RBBP4: variants seen among roughly 807,000 people sequenced by gnomAD.
The protein encoded by RBBP4 is RB binding protein 4, chromatin remodeling factor.
In RBBP4, 3 loss-of-function variants were observed where a neutral mutation model predicts 57.2. The ratio of observed to expected loss-of-function variants is 0.05; its 90% CI spans 0.02 to 0.14. The LOEUF is 0.14. RBBP4 is among the 10% of genes least tolerant of loss of function. The pLI is 1.00. For missense variants in RBBP4, 107 were observed against 520.6 expected (o/e 0.21, Z 7.73); for synonymous variants, 151 against 171.5 (o/e 0.88, Z 0.93).
Position 32,653,597 on chromosome 1 carries a change from T to G in RBBP4, c.164+1536T>G, listed in dbSNP as rs1325330586. 5.9e-5 allele frequency among the ~76,000 whole-genome samples: 8 copies of G among 135,982 alleles called. No individual in the cohort carries two copies. The Admixed American group carries it at 5.9e-4, about 10-fold the overall frequency. The allele number at this position is 135,982 out of a possible 152,430, so 89.2% of individuals were successfully genotyped here. On this transcript the variant is annotated intron_variant, in intron 2 of 11. Coordinates refer to ENST00000373493, the MANE Select transcript of RBBP4 (RefSeq NM_005610.3). ...CAAAACCATAGTAAAAACCTAGAAA[T>G]TGGGAGTTAGAAGCTGCTTTGTGTG... is the stretch of plus-strand genomic sequence containing the variant.
intron 3 of RBBP4, among the ~76,000 whole-genome samples, chr1:32,658,959 GTA>G (rs1428045327): frequency 2.7e-4 from 40 of 147,770 alleles, no homozygotes; most frequent in Non-Finnish European, 1.8e-4. Flanking sequence ...ACGTATATAT[GTA>G]TGTATATGTA....
chr1:32,662,979 C>T (rs536822174), intron 3 of RBBP4, among the ~76,000 whole-genome samples: 17 of 151,834 alleles, frequency 1.1e-4, no homozygotes, highest in African/African-American at 2.9e-4. Context: ...GAGCAAGACT[C>T]GTCTCAAAAA....
chr1:32,654,796 C>G (rs947700357), intron 2 of RBBP4, among the ~76,000 whole-genome samples: 8 of 152,114 alleles, frequency 5.3e-5, no homozygotes, highest in Non-Finnish European at 1.2e-4. Flanking sequence ...TGGGTTCAAT[C>G]GATTCTCCTG....
chr1:32,669,200 G>GT lies in RBBP4; in HGVS notation c.762-24dup, dbSNP rs768948867. The GT allele has an allele frequency of 6.1e-5, 98 of 1,609,170 alleles. 2 individuals are homozygous for GT. The South Asian group carries it at 1.0e-3, about 17-fold the overall frequency. ...TTTTATGTTTAGTCACCATTTCAAGGTTTTTTTCCTTTGTTTTTTTTTCAC... is the reference window on the plus strand; with the variant it reads ...TTTTATGTTTAGTCACCATTTCAAGGTTTTTTTTCCTTTGTTTTTTTTTCAC... On this transcript the variant is annotated intron_variant, in intron 6 of 11. Coordinates refer to ENST00000373493, the MANE Select transcript of RBBP4 (RefSeq NM_005610.3). This position sits in a 1 kb window ranked among gnomAD's most constrained non-coding sequence, Gnocchi z 4.9.
intron 11 of RBBP4, among the ~76,000 whole-genome samples, chr1:32,676,783 A>G (rs1649122381): frequency 6.6e-6 from 1 of 152,102 alleles, no homozygotes; most frequent in Non-Finnish European, 1.5e-5. Context: ...CAATATTAAT[A>G]CAGAAACTTA....
intron 11 of RBBP4, among the ~76,000 whole-genome samples, chr1:32,676,302 A>G (rs935834297): frequency 2.0e-5 from 3 of 152,030 alleles, no homozygotes. Context: ...TATCTAGTCT[A>G]TATTTAGAAA....
At chr1:32,659,036 GTATTA>G (rs1374819999) in intron 3 of RBBP4, among the ~76,000 whole-genome samples, 21 of 146,222 alleles carry the variant, frequency 1.4e-4, no homozygotes, top group Middle Eastern at 3.6e-3. Context: ...TAATATAAAT[GTATTA>G]TATTTATATA....
chr1:32,677,296 A>C (rs919198375), intron 11 of RBBP4, among the ~76,000 whole-genome samples: 2 of 152,068 alleles, frequency 1.3e-5, no homozygotes, highest in African/African-American at 4.8e-5. Context: ...TTGGGGTTGC[A>C]GGGCCAGAGA....
At chr1:32,657,803 G>C in intron 3 of RBBP4, 1 of 410,260 alleles carries the variant, frequency 2.4e-6, no homozygotes, top group Non-Finnish European at 4.2e-6. Context: ...GTGCTGGTGG[G>C]GAGGATTTCT....
chr1:32,682,238 C>A lies in RBBP4; in HGVS notation c.*2533C>A, dbSNP rs1411036566. On this transcript the variant is annotated 3_prime_UTR_variant, in exon 12 of 12. Coordinates refer to ENST00000373493, the MANE Select transcript of RBBP4 (RefSeq NM_005610.3). ...CTCAAACATTAAGCATATTATCAGT[C>A]ATGTGGATTCAAACACAGTATAAGA... 2 of 209,312 alleles carry A rather than the reference C, an allele frequency of 9.6e-6. No individual in the cohort carries two copies. The highest frequency in any genetic ancestry group is 2.4e-5 in the African/African-American group (1 of 42,386). The allele number at this position is 209,312 out of a possible 1,614,324, so 13.0% of individuals were successfully genotyped here. A position where few individuals can be genotyped will look rare whatever the true frequency, so the allele number is the denominator to read the frequency against.
intron 8 of RBBP4, among the ~76,000 whole-genome samples, chr1:32,671,314 A>G (rs561882286): frequency 6.6e-6 from 1 of 152,284 alleles, no homozygotes; most frequent in South Asian, 2.1e-4. Context: ...GCCGGGCACG[A>G]TGGCCCATGC....
intron 3 of RBBP4, among the ~76,000 whole-genome samples, chr1:32,661,828 TTA>T (rs1427732499): frequency 6.6e-6 from 1 of 150,486 alleles, no homozygotes; most frequent in African/African-American, 2.4e-5. Context: ...CGTTGTCTGC[TTA>T]TATGTGTTTT....
In RBBP4 at chr1:32,672,538, A is replaced by G. The variant is rs376767105; in HGVS notation, c.1043+12A>G. The stretch of plus-strand genomic sequence containing the variant: ...GTCTGGGATTTAAGGTAATTCTTGT[A>G]TTCATTCCTCTCTCTACATAATTAT... On this transcript the variant is annotated intron_variant, in intron 9 of 11. Transcript: ENST00000373493. 2 of 1,601,078 alleles carry G rather than the reference A, an allele frequency of 1.2e-6. No homozygotes were observed. The highest frequency in any genetic ancestry group is 1.7e-6 in the Non-Finnish European group (2 of 1,168,436).
chr1:32,657,248 C>T (rs1002447051), intron 2 of RBBP4, among the ~76,000 whole-genome samples, 179 bp from the exon 3 acceptor site: 2 of 152,106 alleles, frequency 1.3e-5, no homozygotes, highest in East Asian at 1.9e-4. Context: ...TCCATTCTAG[C>T]CTGGGCGAAA....
At chr1:32,654,975 G>A (rs1298442607) in intron 2 of RBBP4, among the ~76,000 whole-genome samples, 2 of 151,324 alleles carry the variant, frequency 1.3e-5, no homozygotes, top group Admixed American at 1.3e-4. Context: ...GATTACAGGC[G>A]TGAGCTAGTG....
At chr1:32,666,192 A>G (rs1648639298) in intron 3 of RBBP4, among the ~76,000 whole-genome samples, 1 of 152,192 alleles carries the variant, frequency 6.6e-6, no homozygotes, top group Non-Finnish European at 1.5e-5. Context: ...GGAGAAGATA[A>G]ACGGCATGAT....
At chr1:32,653,645 T>TGTTTTG (rs1462880012) in intron 2 of RBBP4, among the ~76,000 whole-genome samples, 1 of 41,050 alleles carries the variant, frequency 2.4e-5, no homozygotes, top group African/African-American at 6.8e-5. Context: ...TGGTTTTTTT[T>TGTTTTG]TTTTTTTTTT....
chr1:32,677,830 T>G lies in RBBP4; in HGVS notation c.1213-1810T>G, dbSNP rs1305944610. ...CTCTGGGGTCAGATCACAAGCTCTT[T>G]GAAGGTAAGACTATCCTGTCCTCTG... On this transcript the variant is annotated intron_variant, in intron 11 of 11. Coordinates refer to ENST00000373493, the MANE Select transcript of RBBP4 (RefSeq NM_005610.3). Among the ~76,000 whole-genome samples, 4 of 152,192 alleles carry G rather than the reference T, an allele frequency of 2.6e-5. No homozygotes were observed. In the South Asian group the frequency reaches 8.3e-4, roughly 32 times the overall value.
Position 32,680,440 on chromosome 1 carries a change from TGTC to T in RBBP4, c.*736_*738del, listed in dbSNP as rs1649363935. ...CCTGACAGTTATACCACAGGTAGAC[TGTC>T]AAGTTGAGAAGAGTGAATCAATAAC... On this transcript the variant is annotated 3_prime_UTR_variant, in exon 12 of 12. Transcript: ENST00000373493. 2.0e-6 allele frequency: 3 copies of T among 1,474,204 alleles called. No individual in the cohort carries two copies. Among genetic ancestry groups the T allele is most frequent in the Non-Finnish European group, 1.8e-6 (2 of 1,108,040 alleles). The allele number at this position is 1,474,204 out of a possible 1,614,324, so 91.3% of individuals were successfully genotyped here.
Sources: gnomAD v4.1 joint callset for allele counts (sites outside exome capture counted in the v4.1 genomes callset) on GRCh38, gnomAD v4.1.1 for gene constraint, Gnocchi (gnomAD v3.1) non-coding constraint, MANE v1.5 for transcripts, NCBI Gene and HGNC (gene_info 2026-07-23, HGNC 2026-07-21) for gene names.